LGR4: variants seen among roughly 807,000 people sequenced by gnomAD.
LGR4 encodes leucine rich repeat containing G protein-coupled receptor 4, also known as leucine-rich repeat-containing G protein-coupled receptor 4.
A neutral mutation model predicts 84.8 loss-of-function variants in LGR4; 44 were observed. That is an observed-to-expected ratio of 0.52 (90% confidence interval 0.41 to 0.67). The LOEUF is 0.67. Ranked by LOEUF, LGR4 falls within the 30% of genes least tolerant of loss-of-function variation. The pLI is 0.00. For missense variants in LGR4, 1,032 were observed against 1,131.4 expected (o/e 0.91, Z 1.26); for synonymous variants, 429 against 434.3 (o/e 0.99, Z 0.15).
At position 27,382,217 on chromosome 11, in the gene LGR4, A is replaced by G; in HGVS notation, c.729T>C (p.Ala243=). ...CTTTAAGGCTAGGAAGGGCTTTAAT[A>G]GCCTGAGGAAATTCCCCCAAGTTAT... ...NYNNLGEFPQ[A]IKALPSLKEL... is the part of the protein sequence containing the mutation. The change falls in exon 7 of 18, where the codon GCT becomes GCC. Residue 243 remains alanine, a synonymous_variant. Transcript: ENST00000379214. The G allele has an allele frequency of 6.2e-7, 1 of 1,610,002 alleles. No individual in the cohort carries two copies. The highest frequency in any genetic ancestry group is 8.5e-7 in the Non-Finnish European group (1 of 1,176,594).
chr11:27,408,198 A>T (rs1440777414), intron 2 of LGR4, among the ~76,000 whole-genome samples: 1 of 152,058 alleles, frequency 6.6e-6, no homozygotes, highest in Non-Finnish European at 1.5e-5. Flanking sequence ...TTGATTTTAA[A>T]CCTTTCTGTT....
intron 1 of LGR4, among the ~76,000 whole-genome samples, chr11:27,448,357 A>G (rs1864427898): frequency 1.3e-5 from 2 of 148,494 alleles, no homozygotes; most frequent in Admixed American, 1.4e-4. Flanking sequence ...CAATGGTGTG[A>G]TCTCAGCTCA....
At chr11:27,390,232 C>T (rs1268554123) in intron 4 of LGR4, among the ~76,000 whole-genome samples, 1 of 152,094 alleles carries the variant, frequency 6.6e-6, no homozygotes, top group African/African-American at 2.4e-5. Flanking sequence ...TATTTTCTAA[C>T]TTGCGTGCAT....
rs187153649 is a variant in LGR4 at position 27,367,767 on chromosome 11, A to T, written c.*100T>A. 3.2e-4 allele frequency: 258 copies of T among 809,318 alleles called. No individual in the cohort carries two copies. The East Asian group carries it at 6.3e-3, about 20-fold the overall frequency. 50.1% of individuals were successfully genotyped at this position (809,318 alleles called of 1,614,324 possible). ...CTCCTTCTTCTAAGTGACACCAGGC[A>T]GTGATTACAGAAGTGCTTCCCAGAT... On this transcript the variant is annotated 3_prime_UTR_variant, in exon 18 of 18. Coordinates refer to ENST00000379214, the MANE Select transcript of LGR4 (RefSeq NM_018490.5).
At chr11:27,400,330 C>G (rs560392669) in intron 2 of LGR4, among the ~76,000 whole-genome samples, 22 of 152,200 alleles carry the variant, frequency 1.4e-4, no homozygotes, top group African/African-American at 4.6e-4. Flanking sequence ...CCCCCTACTC[C>G]TCCTGCTTTT....
chr11:27,369,110 C>T lies in LGR4; in HGVS notation c.1613G>A (p.Ser538Asn). 1 of 1,609,996 alleles carries T rather than the reference C, an allele frequency of 6.2e-7. No individual in the cohort carries two copies. Among genetic ancestry groups the T allele is most frequent in the South Asian group, 1.1e-5 (1 of 90,320 alleles). Residue 538 changes from serine to asparagine, a missense_variant, in exon 18 of 18, where the codon AGC (serine) becomes AAC (asparagine). Coordinates refer to ENST00000379214, the MANE Select transcript of LGR4 (RefSeq NM_018490.5). ...AFKPCEYLLG[S>N]WMIRLTVWFI... ...CCACACAGTAAGACGAATCATCCAGCTTCCCAGTAAATATTCACAGGGCTT... is the reference window on the plus strand; with the variant it reads ...CCACACAGTAAGACGAATCATCCAGTTTCCCAGTAAATATTCACAGGGCTT...
At chr11:27,463,035 C>T (rs1247387455) in intron 1 of LGR4, among the ~76,000 whole-genome samples, 1 of 127,264 alleles carries the variant, frequency 7.9e-6, no homozygotes, top group South Asian at 2.5e-4. Context: ...GAGTTCAAGA[C>T]CAACCTGGGC....
chr11:27,461,405 T>G (rs1864678129), intron 1 of LGR4, among the ~76,000 whole-genome samples: 1 of 151,994 alleles, frequency 6.6e-6, no homozygotes, highest in Non-Finnish European at 1.5e-5. Context: ...ATAAATACTT[T>G]CAAAATACTT....
At chr11:27,456,578 T>C (rs995117182) in intron 1 of LGR4, among the ~76,000 whole-genome samples, 1 of 152,160 alleles carries the variant, frequency 6.6e-6, no homozygotes, top group African/African-American at 2.4e-5. Context: ...AATTTGCTCC[T>C]TTAGAAACAG....
At chr11:27,401,183 T>C (rs1286364512) in intron 2 of LGR4, among the ~76,000 whole-genome samples, 1 of 152,224 alleles carries the variant, frequency 6.6e-6, no homozygotes, top group Non-Finnish European at 1.5e-5. Flanking sequence ...TATATTTCCA[T>C]TTAAATGCAC....
intron 1 of LGR4, among the ~76,000 whole-genome samples, chr11:27,417,429 A>G (rs548598587): frequency 6.6e-6 from 1 of 152,276 alleles, no homozygotes; most frequent in East Asian, 1.9e-4. Flanking sequence ...GGATGTCTAC[A>G]ATATGACCAA....
intron 2 of LGR4, among the ~76,000 whole-genome samples, chr11:27,398,831 G>T (rs566854950): frequency 3.9e-5 from 6 of 152,158 alleles, no homozygotes; most frequent in Non-Finnish European, 7.4e-5. Flanking sequence ...AAAGTACTTC[G>T]AGCACCACCA....
intron 1 of LGR4, among the ~76,000 whole-genome samples, chr11:27,424,770 C>A (rs1023399294): frequency 6.6e-6 from 1 of 152,090 alleles, no homozygotes; most frequent in Non-Finnish European, 1.5e-5. Flanking sequence ...GTTTTTGAGA[C>A]GGAGTTTCAC....
intron 1 of LGR4, among the ~76,000 whole-genome samples, chr11:27,468,965 C>T (rs1013649603): frequency 2.0e-5 from 3 of 152,126 alleles, no homozygotes; most frequent in Non-Finnish European, 4.4e-5. Context: ...ATCTCTTCTC[C>T]CAATCTTGGA....
At chr11:27,409,332 A>G (rs967894943) in intron 2 of LGR4, among the ~76,000 whole-genome samples, 4 of 152,144 alleles carry the variant, frequency 2.6e-5, no homozygotes, top group Non-Finnish European at 5.9e-5. Flanking sequence ...TACCAGGCTC[A>G]TGAACTCCAA....
chr11:27,417,208 A>T (rs1863837191), intron 1 of LGR4, among the ~76,000 whole-genome samples: 1 of 152,104 alleles, frequency 6.6e-6, no homozygotes, highest in Admixed American at 6.6e-5. Flanking sequence ...TAAATTATAT[A>T]CAGGTTCAAG....
intron 7 of LGR4, among the ~76,000 whole-genome samples, chr11:27,381,442 C>G (rs1863091723): frequency 6.6e-6 from 1 of 152,146 alleles, no homozygotes; most frequent in South Asian, 2.1e-4. Flanking sequence ...CGCCTGTAAT[C>G]CCAGCATTCT....
chr11:27,387,666 G>T (rs1590353585), intron 4 of LGR4, among the ~76,000 whole-genome samples: 1 of 152,084 alleles, frequency 6.6e-6, no homozygotes, highest in East Asian at 1.9e-4. Flanking sequence ...TGCAAACAGG[G>T]TCCACATTCC....
chr11:27,412,116 A>C (rs574435903), intron 2 of LGR4, among the ~76,000 whole-genome samples: 1 of 152,112 alleles, frequency 6.6e-6, no homozygotes, highest in Non-Finnish European at 1.5e-5. Flanking sequence ...TTAAAACCCG[A>C]AAGTGCCTAT....
Sources: gnomAD v4.1 joint callset for allele counts (sites outside exome capture counted in the v4.1 genomes callset) on GRCh38, gnomAD v4.1.1 for gene constraint, MANE v1.5 for transcripts, NCBI Gene and HGNC (gene_info 2026-07-23, HGNC 2026-07-21) for gene names.